Variants in SORCS2 observed in about 807,000 individuals in gnomAD.
SORCS2 encodes VPS10 domain-containing receptor SorCS2.
A neutral mutation model predicts 141.6 loss-of-function variants in SORCS2; 100 were observed. The observed-to-expected ratio is 0.71, with a 90% CI of 0.60 to 0.83. The LOEUF is 0.83. SORCS2 is among the 40% of genes least tolerant of loss of function. The pLI is 0.00. For synonymous variants in SORCS2, 789 were observed against 676.9 expected (o/e 1.17, Z -2.57); for missense variants, 1,646 against 1,560.2 (o/e 1.05, Z -0.93).
chr4:7,482,540 T>C (rs1294887155), intron 2 of SORCS2, among the ~76,000 whole-genome samples: 12 of 68,536 alleles, frequency 1.8e-4, no homozygotes, highest in African/African-American at 1.9e-4. Flanking sequence ...GTATCCCCAC[T>C]GCGGACACCC....
At chr4:7,218,611 A>G (rs957751837) in intron 1 of SORCS2, among the ~76,000 whole-genome samples, 3 of 152,200 alleles carry the variant, frequency 2.0e-5, no homozygotes, top group Non-Finnish European at 4.4e-5. Flanking sequence ...GAAACAGGAC[A>G]TTGGGGATGT....
At chr4:7,670,166 A>G (rs934382808) in intron 8 of SORCS2, among the ~76,000 whole-genome samples, 7 of 152,260 alleles carry the variant, frequency 4.6e-5, no homozygotes, top group African/African-American at 1.4e-4. Context: ...CAGCTTCAAC[A>G]TAGCTTTGCC....
intron 2 of SORCS2, among the ~76,000 whole-genome samples, chr4:7,489,683 A>T (rs977204010): frequency 6.6e-6 from 1 of 152,168 alleles, no homozygotes; most frequent in Admixed American, 6.5e-5. Flanking sequence ...GTAATTTGTG[A>T]ATCAAAATAA....
intron 1 of SORCS2, among the ~76,000 whole-genome samples, chr4:7,225,658 G>A (rs1323790019): frequency 6.6e-6 from 1 of 152,174 alleles, no homozygotes; most frequent in African/African-American, 2.4e-5. Flanking sequence ...AGACTGGGCT[G>A]GAGCTGGTGC....
chr4:7,392,034 T>C (rs1018144096), intron 1 of SORCS2, among the ~76,000 whole-genome samples: 2 of 152,198 alleles, frequency 1.3e-5, no homozygotes, highest in African/African-American at 4.8e-5. Context: ...CACAAAGCCC[T>C]CGTTCAGACA....
At chr4:7,415,565 TC>T (rs1306958702) in intron 2 of SORCS2, among the ~76,000 whole-genome samples, 3 of 152,220 alleles carry the variant, frequency 2.0e-5, no homozygotes, top group Non-Finnish European at 4.4e-5. Context: ...AGGTCCTTAA[TC>T]AGACCTGCAA....
chr4:7,417,695 G>A (rs924540613), intron 2 of SORCS2, among the ~76,000 whole-genome samples: 1 of 152,190 alleles, frequency 6.6e-6, no homozygotes, highest in African/African-American at 2.4e-5. Flanking sequence ...TGACCCTGCT[G>A]GGCCTCGGCT....
chr4:7,215,489 G>C (rs79072372), intron 1 of SORCS2, among the ~76,000 whole-genome samples: 48,194 of 151,964 alleles, frequency 0.32, 8,310 homozygotes, highest in Non-Finnish European at 0.39. Context: ...CAGTCCCATC[G>C]ACCACCCAAG....
intron 1 of SORCS2, among the ~76,000 whole-genome samples, chr4:7,224,358 A>C (rs1728876552): frequency 6.6e-6 from 1 of 152,188 alleles, no homozygotes. Context: ...GCTTTTTAAT[A>C]ATTTGCGATG....
chr4:7,569,989 T>C (rs1247310703), intron 3 of SORCS2, among the ~76,000 whole-genome samples: 13 of 152,162 alleles, frequency 8.5e-5, no homozygotes, highest in Admixed American at 8.5e-4. Flanking sequence ...TCTTCAGCTC[T>C]CCTGGGCAGG....
intron 3 of SORCS2, among the ~76,000 whole-genome samples, chr4:7,553,819 G>A (rs1560381463): frequency 6.6e-6 from 1 of 152,226 alleles, no homozygotes; most frequent in Non-Finnish European, 1.5e-5. Flanking sequence ...AGAGGAAGGT[G>A]AAGGTGGGAG....
chr4:7,342,822 G>A (rs933617373), intron 1 of SORCS2, among the ~76,000 whole-genome samples: 3 of 152,226 alleles, frequency 2.0e-5, no homozygotes, highest in Admixed American at 2.0e-4. Flanking sequence ...GCAGAGCTGT[G>A]AGCAGGCAGA....
chr4:7,374,906 G>A (rs1366560717), intron 1 of SORCS2, among the ~76,000 whole-genome samples: 2 of 152,184 alleles, frequency 1.3e-5, no homozygotes, highest in Non-Finnish European at 1.5e-5. Context: ...GGCAAGGCCT[G>A]GAGCTGGGCT....
intron 2 of SORCS2, among the ~76,000 whole-genome samples, chr4:7,463,925 C>T (rs537281753): frequency 6.6e-6 from 1 of 152,184 alleles, no homozygotes; most frequent in Non-Finnish European, 1.5e-5. Context: ...AAACAGGCAC[C>T]CCTGAGTCCC....
At position 7,741,073 on chromosome 4, in the gene SORCS2, G is replaced by A. The variant is rs563718922; in HGVS notation, c.*809G>A. On this transcript the variant is annotated 3_prime_UTR_variant, in exon 27 of 27. Transcript: ENST00000507866. The stretch of plus-strand genomic sequence containing the variant: ...TCCTACCAGCAAGCAGCACCATCCC[G>A]CAGGCTTCTCCCACCTGATGGCTGT... 6 of 398,844 alleles carry A rather than the reference G, an allele frequency of 1.5e-5. No homozygotes were observed. The highest frequency in any genetic ancestry group is 4.4e-5 in the Admixed American group (1 of 22,742). 24.7% of individuals were successfully genotyped at this position (398,844 alleles called of 1,614,324 possible). A position where few individuals can be genotyped will look rare whatever the true frequency, so the allele number is the denominator to read the frequency against.
chr4:7,276,774 G>A (rs567539474), intron 1 of SORCS2, among the ~76,000 whole-genome samples: 4 of 152,284 alleles, frequency 2.6e-5, no homozygotes, highest in Non-Finnish European at 4.4e-5. Flanking sequence ...CTTCCCCTCC[G>A]GAACTTTCTC....
At chr4:7,378,409 A>T (rs1398591178) in intron 1 of SORCS2, among the ~76,000 whole-genome samples, 1 of 152,130 alleles carries the variant, frequency 6.6e-6, no homozygotes, top group Non-Finnish European at 1.5e-5. Flanking sequence ...ATGGCTGGGG[A>T]GGCCTCAGGA....
rs944620152 is a variant in SORCS2 at position 7,308,198 on chromosome 4, G to A, written c.481-88090G>A. Among the ~76,000 whole-genome samples, 10 of 152,272 alleles carry A rather than the reference G, an allele frequency of 6.6e-5. 2 individuals are homozygous for A. In the Middle Eastern group the frequency reaches 0.02, roughly 311 times the overall value. On this transcript the variant is annotated intron_variant, in intron 1 of 26. Coordinates refer to ENST00000507866, the MANE Select transcript of SORCS2 (RefSeq NM_020777.3). ...ACTCCACCCCAGGCCGAGTCCCTGC[G>A]TGAAACTCCTTTAGGGATCAGTGTT...
intron 2 of SORCS2, among the ~76,000 whole-genome samples, chr4:7,485,413 T>A (rs1199451442): frequency 2.0e-5 from 3 of 152,240 alleles, no homozygotes; most frequent in African/African-American, 7.2e-5. Context: ...CAGGCTCTGC[T>A]GAGGCTACTC....
Sources: allele counts gnomAD v4.1 joint callset (sites outside exome capture counted in the v4.1 genomes callset), GRCh38; gene constraint gnomAD v4.1.1; transcripts MANE v1.5; gene names NCBI Gene and HGNC (gene_info 2026-07-23, HGNC 2026-07-21).